MAP3K4: variants seen among roughly 807,000 people sequenced by gnomAD.
MAP3K4 encodes mitogen-activated protein kinase kinase kinase 4.
In MAP3K4, 67 loss-of-function variants were observed where a neutral mutation model predicts 185.6. The observed-to-expected ratio is 0.36, with a 90% CI of 0.30 to 0.44. The LOEUF is 0.44. Among genes scored for constraint, MAP3K4 ranks in the 20% least tolerant of loss-of-function variants. The pLI, the probability that MAP3K4 is intolerant of heterozygous loss-of-function variation, is 1.00. For synonymous variants in MAP3K4, 702 were observed against 710.4 expected, an observed-to-expected ratio of 0.99 and a Z score of 0.19; for missense variants, 1,551 against 1,995.1, an observed-to-expected ratio of 0.78 and a Z score of 4.24.
At chr6:161,041,339 G>A (rs774314033) in intron 2 of MAP3K4, among the ~76,000 whole-genome samples, 20 of 152,224 alleles carry the variant, frequency 1.3e-4, no homozygotes, top group Admixed American at 6.5e-4. Context: ...GGGGGCTGGA[G>A]TGCAGGCTAC....
At chr6:160,998,064 G>A (rs1417641608) in intron 1 of MAP3K4, among the ~76,000 whole-genome samples, 3 of 152,156 alleles carry the variant, frequency 2.0e-5, no homozygotes, top group Non-Finnish European at 2.9e-5. Flanking sequence ...AGAGATGGCA[G>A]TCTCTGTATG....
chr6:160,992,328 T>C, intron 1 of MAP3K4: 2 of 533,510 alleles, frequency 3.7e-6, no homozygotes, highest in Non-Finnish European at 6.4e-6. Context: ...CCGGCTCCCC[T>C]TCCCTTGTAG....
rs369551233 is a variant in MAP3K4, at chr6:161,115,990, A to G, written c.4806+688A>G. 3.7e-4 allele frequency among the ~76,000 whole-genome samples: 57 copies of G among 152,354 alleles called. No homozygotes were observed. Among genetic ancestry groups the G allele is most frequent in the East Asian group, 1.5e-3 (8 of 5,184 alleles). On this transcript the variant is annotated intron_variant, in intron 26 of 26. Transcript: ENST00000392142. This position sits in a 1 kb window ranked among gnomAD's most constrained non-coding sequence, Gnocchi z 6.0. Reference sequence around the variant, plus strand: ...TTTAGAAAGATCACTCTAGAGGCAAAGGAATTGAGAAGGTTCTGATACAGC... The same window carrying G: ...TTTAGAAAGATCACTCTAGAGGCAAGGGAATTGAGAAGGTTCTGATACAGC...
intron 1 of MAP3K4, among the ~76,000 whole-genome samples, chr6:161,000,429 G>A (rs1184235806): frequency 1.3e-5 from 2 of 152,154 alleles, no homozygotes; most frequent in African/African-American, 2.4e-5. Context: ...CTTGAAGACA[G>A]CATTGTTACC....
intron 2 of MAP3K4, among the ~76,000 whole-genome samples, chr6:161,046,694 TA>T (rs1230961996): frequency 5.9e-5 from 9 of 151,296 alleles, no homozygotes; most frequent in African/African-American, 2.2e-4. Flanking sequence ...ATCCTTATTT[TA>T]AGACTAATTT....
In MAP3K4 at chr6:161,063,390, T is replaced by TA. The variant is rs1334112353; in HGVS notation, c.1708-7217dup. Among the ~76,000 whole-genome samples, 10 of 152,328 alleles carry TA rather than the reference T, an allele frequency of 6.6e-5. No homozygotes were observed. The highest frequency in any genetic ancestry group is 2.2e-4 in the African/African-American group (9 of 41,576). The stretch of plus-strand genomic sequence containing the variant: ...CTCTCTGCTTATGGTAACCTTGTGC[T>TA]AGATTCTACTACAGTTCTTTTCTGT... On this transcript the variant is annotated intron_variant, in intron 3 of 26. Transcript: ENST00000392142. This position sits in a 1 kb window ranked among gnomAD's most constrained non-coding sequence, Gnocchi z 5.4.
rs1554287299 is a variant in MAP3K4, at chr6:161,107,050, G to GCGCACA, written c.4048+346_4048+347insGCACAC. On this transcript the variant is annotated intron_variant, in intron 20 of 26. Coordinates refer to ENST00000392142, the MANE Select transcript of MAP3K4 (RefSeq NM_005922.4). The surrounding 1 kb of genome is among the most constrained non-coding windows in gnomAD (Gnocchi z 6.2). ...TCTCTCTCTCTCTACACACGCGCGC[G>GCGCACA]CACACACACACACACACACACACAC... Among the ~76,000 whole-genome samples the GCGCACA allele has an allele frequency of 1.2e-3, 126 of 105,252 alleles. No homozygotes were observed. Among genetic ancestry groups the GCGCACA allele is most frequent in the African/African-American group, 4.1e-3 (123 of 29,876 alleles). The allele number at this position is 105,252 out of a possible 152,430, so 69.0% of individuals were successfully genotyped here.
chr6:161,092,579 G>A (rs1777374194), intron 13 of MAP3K4, among the ~76,000 whole-genome samples: 2 of 152,138 alleles, frequency 1.3e-5, no homozygotes, highest in Admixed American at 6.5e-5. Context: ...ATTTGTAATG[G>A]AGGGATAGCA....
At chr6:161,018,279 G>C (rs958313961) in intron 1 of MAP3K4, among the ~76,000 whole-genome samples, 1 of 152,178 alleles carries the variant, frequency 6.6e-6, no homozygotes, top group Admixed American at 6.5e-5. Flanking sequence ...TTCTTGAGTC[G>C]TTGATGAGTA....
At position 161,056,666 on chromosome 6, in the gene MAP3K4, G is replaced by T. The variant is rs1179479522; in HGVS notation, c.1707+6687G>T. On this transcript the variant is annotated intron_variant, in intron 3 of 26. Transcript: ENST00000392142. The surrounding 1 kb of genome is among the most constrained non-coding windows in gnomAD (Gnocchi z 5.4). ...GTGAGGAATAAATTTATCAACTAGG[G>T]TGTAGTGTTTCAGTCAAGTTCCTTT... Among the ~76,000 whole-genome samples, 1 of 152,184 alleles carries T rather than the reference G, an allele frequency of 6.6e-6. No individual in the cohort carries two copies. The highest frequency in any genetic ancestry group is 1.5e-5 in the Non-Finnish European group (1 of 68,036).
chr6:161,046,533 A>AT (rs11377998), intron 2 of MAP3K4, among the ~76,000 whole-genome samples: 115,629 of 151,462 alleles, frequency 0.76, 44,978 homozygotes, highest in East Asian at 0.99. Context: ...AAAAATAATA[A>AT]TAATAGTAGT....
chr6:161,044,364 C>T (rs573826702), intron 2 of MAP3K4, among the ~76,000 whole-genome samples: 1 of 152,138 alleles, frequency 6.6e-6, no homozygotes, highest in South Asian at 2.1e-4. Context: ...TTGTTAATTG[C>T]AAAGGAATTT....
chr6:161,005,549 C>T (rs705829), intron 1 of MAP3K4, among the ~76,000 whole-genome samples: 14,112 of 152,010 alleles, frequency 0.093, 833 homozygotes, highest in Non-Finnish European at 0.13. Context: ...TTTTAAATTA[C>T]CTAGAGACCT....
chr6:161,070,959 G>A lies in MAP3K4; in HGVS notation c.1950+109G>A, dbSNP rs981045062. On this transcript the variant is annotated intron_variant, in intron 4 of 26. Transcript: ENST00000392142. This position sits in a 1 kb window ranked among gnomAD's most constrained non-coding sequence, Gnocchi z 4.5. ...TTTTTTCTTAATTGTCGCAAATAGT[G>A]AAAAATGACTGTTTGTCCATGGTTT... The A allele has an allele frequency of 2.7e-5, 28 of 1,022,150 alleles. No homozygotes were observed. The highest frequency in any genetic ancestry group is 3.7e-5 in the Non-Finnish European group (27 of 728,886). 63.3% of individuals were successfully genotyped at this position (1,022,150 alleles called of 1,614,324 possible).
Position 161,070,534 on chromosome 6 carries a change from G to T in MAP3K4, c.1708-74G>T. 1 of 1,279,590 alleles carries T rather than the reference G, an allele frequency of 7.8e-7. No homozygotes were observed. Among genetic ancestry groups the T allele is most frequent in the Non-Finnish European group, 1.1e-6 (1 of 917,760 alleles). The allele number at this position is 1,279,590 out of a possible 1,614,324, so 79.3% of individuals were successfully genotyped here. On this transcript the variant is annotated intron_variant, in intron 3 of 26. Transcript: ENST00000392142. The surrounding 1 kb of genome is among the most constrained non-coding windows in gnomAD (Gnocchi z 4.5). ...TTTGTTAGCACATTGTAGAGAATAA[G>T]AGTTTATAACCACAACCGTAGAACG...
rs1053373800 is a variant in MAP3K4, at chr6:161,107,662, T to G, written c.4049-237T>G. Among the ~76,000 whole-genome samples, 6 of 152,192 alleles carry G rather than the reference T, an allele frequency of 3.9e-5. No individual in the cohort carries two copies. Among genetic ancestry groups the G allele is most frequent in the African/African-American group, 1.4e-4 (6 of 41,438 alleles). ...TTCTCCTGGAATTTACCAAAGTCGG[T>G]TCTGCTCTATTTAAAGATACTTGTA... is the stretch of plus-strand genomic sequence containing the variant. On this transcript the variant is annotated intron_variant, in intron 20 of 26. Coordinates refer to ENST00000392142, the MANE Select transcript of MAP3K4 (RefSeq NM_005922.4). This position sits in a 1 kb window ranked among gnomAD's most constrained non-coding sequence, Gnocchi z 6.2.
At chr6:161,041,965 C>T (rs1783487610) in intron 2 of MAP3K4, among the ~76,000 whole-genome samples, 1 of 138,922 alleles carries the variant, frequency 7.2e-6, no homozygotes, top group South Asian at 2.4e-4. Flanking sequence ...GCTATGTTGC[C>T]CAGACTGGCC....
chr6:161,012,594 T>C (rs905641207), intron 1 of MAP3K4, among the ~76,000 whole-genome samples: 6 of 152,204 alleles, frequency 3.9e-5, no homozygotes, highest in African/African-American at 1.2e-4. Context: ...AAAATACATA[T>C]GCATTTTCAG....
chr6:161,079,424 G>A (rs66477553), intron 5 of MAP3K4, among the ~76,000 whole-genome samples: 51,815 of 151,210 alleles, frequency 0.34, 9,218 homozygotes, highest in East Asian at 0.53. Flanking sequence ...CTAAAAATAC[G>A]AAATTAGCCA....
Sources: allele counts gnomAD v4.1 joint callset (sites outside exome capture counted in the v4.1 genomes callset), GRCh38; gene constraint gnomAD v4.1.1; non-coding constraint Gnocchi (gnomAD v3.1); transcripts MANE v1.5; gene names NCBI Gene and HGNC (gene_info 2026-07-23, HGNC 2026-07-21).